ITPKB: variants seen among roughly 807,000 people sequenced by gnomAD.
ITPKB encodes IP3 3-kinase B.
Under a neutral mutation model 69.4 loss-of-function variants are expected in ITPKB, and 13 were observed. The ratio of observed to expected loss-of-function variants is 0.19; its 90% CI spans 0.12 to 0.30. The LOEUF is 0.30. Among genes scored for constraint, ITPKB ranks in the 10% least tolerant of loss-of-function variants. The probability of loss-of-function intolerance (pLI) is 1.00; values close to 1 mark genes in which losing one functional copy is unlikely to be tolerated. For missense variants in ITPKB, 1,240 were observed against 1,250.5 expected (o/e 0.99, Z 0.13); for synonymous variants, 584 against 513.7 (o/e 1.14, Z -1.85).
At chr1:226,718,217 C>G (rs1571872911) in intron 2 of ITPKB, among the ~76,000 whole-genome samples, 1 of 150,946 alleles carries the variant, frequency 6.6e-6, no homozygotes, top group African/African-American at 2.4e-5. Context: ...TCACTTGAAA[C>G]CAGGAGGCGG....
chr1:226,707,122 A>G, intron 2 of ITPKB: 2 of 831,404 alleles, frequency 2.4e-6, no homozygotes, highest in Non-Finnish European at 2.9e-6. Context: ...TCACAAGGAA[A>G]TAAAGGGACC....
intron 7 of ITPKB, among the ~76,000 whole-genome samples, chr1:226,635,578 C>T (rs564424669): frequency 1.3e-5 from 2 of 152,318 alleles, no homozygotes; most frequent in Non-Finnish European, 2.9e-5. Flanking sequence ...CTCGCCCTTC[C>T]GCCTCCTAGA....
intron 2 of ITPKB, among the ~76,000 whole-genome samples, chr1:226,720,595 C>T (rs1657211733): frequency 6.6e-6 from 1 of 152,168 alleles, no homozygotes; most frequent in Non-Finnish European, 1.5e-5. Context: ...TTTGACGGAA[C>T]ATGCCTGGCA....
intron 2 of ITPKB, chr1:226,669,202 G>A (rs1669563166): frequency 6.6e-6 from 1 of 152,236 alleles, no homozygotes; most frequent in Admixed American, 6.5e-5. Context: ...GATCACCTGA[G>A]GTCAGGAGTT....
chr1:226,691,956 G>A (rs1042508132), intron 2 of ITPKB, among the ~76,000 whole-genome samples: 3 of 152,130 alleles, frequency 2.0e-5, no homozygotes, highest in African/African-American at 7.2e-5. Flanking sequence ...TTTCCTCTGG[G>A]CTCCCAGGTA....
intron 2 of ITPKB, among the ~76,000 whole-genome samples, chr1:226,696,774 AGGCCTG>A (rs1475990244): frequency 2.0e-5 from 3 of 152,306 alleles, no homozygotes; most frequent in African/African-American, 7.2e-5. Context: ...ACACTTACTA[AGGCCTG>A]AGAATCTCAG....
At chr1:226,635,937 G>C (rs1415853574) in intron 7 of ITPKB, among the ~76,000 whole-genome samples, 1 of 152,260 alleles carries the variant, frequency 6.6e-6, no homozygotes, top group Non-Finnish European at 1.5e-5. Context: ...TGACATTCCA[G>C]CTTCCAGCAG....
chr1:226,649,362 A>ATG (rs35351352), intron 2 of ITPKB, among the ~76,000 whole-genome samples: 57,941 of 120,698 alleles, frequency 0.48, 13,044 homozygotes, highest in African/African-American at 0.72. Context: ...ATATATGTGC[A>ATG]TGTGTGCATG....
intron 2 of ITPKB, among the ~76,000 whole-genome samples, chr1:226,655,360 G>A (rs772829016): frequency 6.6e-6 from 1 of 152,352 alleles, no homozygotes; most frequent in Non-Finnish European, 1.5e-5. Flanking sequence ...AATGGGCCCT[G>A]CCTCCTGGGG....
chr1:226,660,353 C>A (rs1196591760), intron 2 of ITPKB, among the ~76,000 whole-genome samples: 1 of 152,208 alleles, frequency 6.6e-6, no homozygotes, highest in South Asian at 2.1e-4. Context: ...CTCATCCACA[C>A]TCTATAGGAG....
At chr1:226,719,638 C>T (rs1571873642) in intron 2 of ITPKB, among the ~76,000 whole-genome samples, 1 of 152,228 alleles carries the variant, frequency 6.6e-6, no homozygotes, top group Non-Finnish European at 1.5e-5. Context: ...CATTCAATTC[C>T]TGCTTAGGTG....
intron 2 of ITPKB, among the ~76,000 whole-genome samples, chr1:226,687,603 T>C (rs149236022): frequency 3.9e-5 from 6 of 152,330 alleles, no homozygotes; most frequent in African/African-American, 1.2e-4. Context: ...ACTTGTCAAC[T>C]TGAGGCTGGC....
intron 2 of ITPKB, among the ~76,000 whole-genome samples, chr1:226,712,742 A>G (rs1180189491): frequency 6.6e-6 from 1 of 152,186 alleles, no homozygotes; most frequent in Non-Finnish European, 1.5e-5. Flanking sequence ...AAGCACCCAG[A>G]AGGGCAATAT....
chr1:226,655,227 A>G (rs1463673452), intron 2 of ITPKB, among the ~76,000 whole-genome samples: 2 of 152,240 alleles, frequency 1.3e-5, no homozygotes, highest in Admixed American at 6.5e-5. Context: ...GATCATCTAC[A>G]TAACATGCAA....
At chr1:226,700,411 G>A (rs982744132) in intron 2 of ITPKB, among the ~76,000 whole-genome samples, 2 of 135,690 alleles carry the variant, frequency 1.5e-5, no homozygotes, top group Non-Finnish European at 3.1e-5. Flanking sequence ...GGAGATTGCA[G>A]TGAGCCCAGA....
Position 226,643,802 on chromosome 1 carries a change from C to T in ITPKB, c.2247-1677G>A, listed in dbSNP as rs181445147. Reference sequence around the variant, plus strand: ...CCTTGCATGCACACACAACCATGTGCGCACATACACACACATGTGCTCATG... The same window carrying T: ...CCTTGCATGCACACACAACCATGTGTGCACATACACACACATGTGCTCATG... On this transcript the variant is annotated intron_variant, in intron 4 of 7. Transcript: ENST00000429204. Among the ~76,000 whole-genome samples, 10 of 150,796 alleles carry T rather than the reference C, an allele frequency of 6.6e-5. No individual in the cohort carries two copies. The South Asian group carries it at 8.5e-4, about 13-fold the overall frequency.
chr1:226,690,737 A>G (rs1342458358), intron 2 of ITPKB, among the ~76,000 whole-genome samples: 1 of 152,228 alleles, frequency 6.6e-6, no homozygotes, highest in Non-Finnish European at 1.5e-5. Flanking sequence ...CTACCTCACA[A>G]GCAGGCAGGG....
chr1:226,642,956 G>A lies in ITPKB; in HGVS notation c.2247-831C>T, dbSNP rs34607164. On this transcript the variant is annotated intron_variant, in intron 4 of 7. Transcript: ENST00000429204. This position sits in a 1 kb window ranked among gnomAD's most constrained non-coding sequence, Gnocchi z 6.4. ...AGGGGTCCCAGTGTGGATGGAGAAG[G>A]CCGTATTGTGGGGGAAAGGCAGGGG... Among the ~76,000 whole-genome samples, 7 of 152,208 alleles carry A rather than the reference G, an allele frequency of 4.6e-5. No individual in the cohort carries two copies. Among genetic ancestry groups the A allele is most frequent in the Non-Finnish European group, 8.8e-5 (6 of 68,044 alleles).
intron 2 of ITPKB, among the ~76,000 whole-genome samples, chr1:226,721,048 T>C (rs914467214): frequency 1.5e-5 from 2 of 135,632 alleles, no homozygotes; most frequent in Non-Finnish European, 3.2e-5. Context: ...TCTCAAAAAA[T>C]AAAATAAAAT....
Sources: gnomAD v4.1 joint callset for allele counts (sites outside exome capture counted in the v4.1 genomes callset) on GRCh38, gnomAD v4.1.1 for gene constraint, Gnocchi (gnomAD v3.1) non-coding constraint, MANE v1.5 for transcripts, NCBI Gene and HGNC (gene_info 2026-07-23, HGNC 2026-07-21) for gene names.